The following KLF8 variants were observed in gnomAD, a reference collection of about 807,000 sequenced individuals.
KLF8 encodes Krueppel-like factor 8.
KLF8 carries 10 observed loss-of-function variants against 18.2 expected under a neutral mutation model. The ratio of observed to expected loss-of-function variants is 0.55; its 90% CI spans 0.34 to 0.93. The LOEUF (loss-of-function observed/expected upper bound fraction) is 0.93. Ranked by LOEUF, KLF8 falls within the 40% of genes least tolerant of loss-of-function variation. KLF8 has a pLI of 0.02. For synonymous variants in KLF8, 109 were observed against 97.3 expected (o/e 1.12, Z -0.71); for missense variants, 264 against 277.9 (o/e 0.95, Z 0.36).
chrX:55,947,194 T>C, the KLF8 span, among the ~76,000 whole-genome samples: 2 of 110,776 alleles, frequency 1.8e-5, no homozygotes, highest in Non-Finnish European at 3.8e-5. Context: ...ACACGTATGT[T>C]TTTTGCAGCA....
At chrX:55,999,539 C>G in the KLF8 span, among the ~76,000 whole-genome samples, 9 of 107,933 alleles carry the variant, frequency 8.3e-5, no homozygotes, top group African/African-American at 2.7e-4. Flanking sequence ...TTCTTCCAGT[C>G]GAGATATTTT....
chrX:56,180,348 T>C, the KLF8 span, among the ~76,000 whole-genome samples: 3 of 111,865 alleles, frequency 2.7e-5, no homozygotes, highest in African/African-American at 9.7e-5. Context: ...TTTTGTTGCA[T>C]CTGTTTGATT....
intron 3 of KLF8, chrX:56,267,141 G>A: frequency 1.3e-6 from 1 of 753,702 alleles, no homozygotes; most frequent in Non-Finnish European, 1.6e-6. Context: ...AATATCATCA[G>A]TCCATCAGAG....
the KLF8 span, among the ~76,000 whole-genome samples, chrX:56,049,580 C>T: frequency 1.6e-4 from 17 of 103,070 alleles, no homozygotes; most frequent in Non-Finnish European, 2.6e-4. Flanking sequence ...TATTGATTTG[C>T]GTATATTGAA....
chrX:56,144,349 G>T, the KLF8 span, among the ~76,000 whole-genome samples: 2 of 110,068 alleles, frequency 1.8e-5, no homozygotes, highest in African/African-American at 6.6e-5. Flanking sequence ...AAACTTTTGT[G>T]CATCAGTGGG....
At chrX:55,980,816 CTGT>C in the KLF8 span, among the ~76,000 whole-genome samples, 1 of 112,133 alleles carries the variant, frequency 8.9e-6, no homozygotes, top group African/African-American at 3.2e-5. Context: ...AGTGTGCGAA[CTGT>C]TATTTGCCTT....
At chrX:55,910,424 A>G in the KLF8 span, among the ~76,000 whole-genome samples, 1 of 111,276 alleles carries the variant, frequency 9.0e-6, no homozygotes, top group Non-Finnish European at 1.9e-5. Context: ...AATTGGGGTG[A>G]TTTTAAAGAA....
intron 2 of KLF8, 88 bp downstream of exon 2, chrX:56,250,392 C>A (rs2066690652): frequency 1.5e-6 from 1 of 666,736 alleles, no homozygotes; most frequent in African/African-American, 2.2e-5. Flanking sequence ...ACTCATTTTT[C>A]TTTCTATAAC....
the KLF8 span, among the ~76,000 whole-genome samples, chrX:56,158,768 A>C: frequency 8.9e-6 from 1 of 112,197 alleles, no homozygotes; most frequent in Non-Finnish European, 1.9e-5. Context: ...GTTGCCTATC[A>C]GCTTAAGGAG....
At chrX:56,022,888 C>A in the KLF8 span, among the ~76,000 whole-genome samples, 6 of 111,017 alleles carry the variant, frequency 5.4e-5, no homozygotes, top group Non-Finnish European at 9.4e-5. Context: ...TCCATGGAGC[C>A]ATTTGTCAGA....
At chrX:56,005,021 T>C in the KLF8 span, among the ~76,000 whole-genome samples, 1 of 68,824 alleles carries the variant, frequency 1.5e-5, no homozygotes, top group Non-Finnish European at 2.7e-5. Flanking sequence ...TATACCTTTA[T>C]CCTTTATGAT....
chrX:56,201,793 A>G, the KLF8 span, among the ~76,000 whole-genome samples: 4 of 111,685 alleles, frequency 3.6e-5, no homozygotes. Context: ...ATAAATTAAA[A>G]TTACATTAAT....
At chrX:56,243,251 A>C (rs2066572497) in intron 1 of KLF8, 1 of 441,325 alleles carries the variant, frequency 2.3e-6, no homozygotes, top group Non-Finnish European at 4.2e-6. Flanking sequence ...ACAGAGTCGC[A>C]GTGACTTGGG....
At chrX:56,183,955 G>C in the KLF8 span, among the ~76,000 whole-genome samples, 1 of 111,276 alleles carries the variant, frequency 9.0e-6, no homozygotes, top group Non-Finnish European at 1.9e-5. Context: ...GCAGAAGATG[G>C]GTGATTTCTG....
the KLF8 span, among the ~76,000 whole-genome samples, chrX:55,952,547 T>A: frequency 6.2e-5 from 7 of 112,336 alleles, no homozygotes; most frequent in African/African-American, 2.3e-4. Flanking sequence ...TGTTGTCACA[T>A]CTTCTCTGAC....
At chrX:56,124,038 T>G in the KLF8 span, among the ~76,000 whole-genome samples, 1 of 111,826 alleles carries the variant, frequency 8.9e-6, no homozygotes, top group Non-Finnish European at 1.9e-5. Flanking sequence ...TGGTACTTAT[T>G]ATTTACAATA....
chrX:56,155,891 T>C, the KLF8 span, among the ~76,000 whole-genome samples: 2 of 111,777 alleles, frequency 1.8e-5, no homozygotes, highest in Admixed American at 9.6e-5. Flanking sequence ...GTCCTACTTA[T>C]AAGTGAGAAC....
At chrX:55,981,904 T>C in the KLF8 span, among the ~76,000 whole-genome samples, 1 of 111,967 alleles carries the variant, frequency 8.9e-6, no homozygotes, top group African/African-American at 3.2e-5. Flanking sequence ...TGAAAGCAGC[T>C]AAGCTAAGTT....
chrX:55,968,166 G>T, the KLF8 span, among the ~76,000 whole-genome samples: 2 of 110,741 alleles, frequency 1.8e-5, no homozygotes, highest in African/African-American at 6.6e-5. Flanking sequence ...CTAAAAGGAA[G>T]ACATGAAGGA....
Sources: gnomAD v4.1 joint callset for allele counts (sites outside exome capture counted in the v4.1 genomes callset) on GRCh38, gnomAD v4.1.1 for gene constraint, MANE v1.5 for transcripts, NCBI Gene and HGNC (gene_info 2026-07-23, HGNC 2026-07-21) for gene names.